AHCTF1: variants seen among roughly 807,000 people sequenced by gnomAD.
The protein encoded by AHCTF1 is AT-hook containing transcription factor 1.
A neutral mutation model predicts 248.4 loss-of-function variants in AHCTF1; 24 were observed. That is an observed-to-expected ratio of 0.10 (90% CI 0.07 to 0.14). The LOEUF (loss-of-function observed/expected upper bound fraction) is 0.14, where lower values mean the gene tolerates loss of function less well. AHCTF1 is among the 10% of genes least tolerant of loss of function. AHCTF1 has a pLI of 1.00. For synonymous variants in AHCTF1, 786 were observed against 929.8 expected, an observed-to-expected ratio of 0.85 and a Z score of 2.81; for missense variants, 2,206 against 2,636.2, an observed-to-expected ratio of 0.84 and a Z score of 3.57.
intron 1 of AHCTF1, among the ~76,000 whole-genome samples, chr1:246,924,954 T>A (rs1666828981): frequency 1.3e-5 from 2 of 152,196 alleles, no homozygotes; most frequent in Non-Finnish European, 2.9e-5. Flanking sequence ...GTTGCTCTTA[T>A]ATACACAAAT....
At chr1:246,928,333 C>A (rs979657136) in intron 1 of AHCTF1, among the ~76,000 whole-genome samples, 1 of 150,942 alleles carries the variant, frequency 6.6e-6, no homozygotes, top group African/African-American at 2.4e-5. Context: ...ATTACTTCTG[C>A]TTGCCTGTCT....
In AHCTF1 at chr1:246,861,094, T is replaced by G. The variant is rs983602010; in HGVS notation, c.3937A>C (p.Thr1313Pro). 7.4e-6 allele frequency: 12 copies of G among 1,614,084 alleles called. No individual in the cohort carries two copies. Among genetic ancestry groups the G allele is most frequent in the Non-Finnish European group, 9.3e-6 (11 of 1,180,018 alleles). ...VSKGNSSVSI[T>P]SDETTLEYQD... ...TACTCTAAGGTAGTCTCATCGGATG[T>G]GATTGAAACACTGCTGTTTCCTTTG... is the stretch of plus-strand genomic sequence containing the variant. Residue 1313 changes from threonine to proline, a missense_variant, in exon 29 of 36, where the codon ACA (threonine) becomes CCA (proline). Around this residue, in one of 6 missense-constraint regions of AHCTF1, gnomAD observed 955 missense variants for 1,055.6 expected, o/e 0.90. Transcript: ENST00000648844.
intron 13 of AHCTF1, 90 bp from the exon 14 acceptor site, chr1:246,894,838 C>T: frequency 9.1e-7 from 1 of 1,100,300 alleles, no homozygotes; most frequent in Non-Finnish European, 1.4e-6. Flanking sequence ...GCAGACAGCA[C>T]CCTAACCGAG....
chr1:246,901,238 G>A (rs375513578), intron 8 of AHCTF1, among the ~76,000 whole-genome samples: 30 of 152,214 alleles, frequency 2.0e-4, no homozygotes, highest in African/African-American at 6.5e-4. Context: ...CTACTCAGGA[G>A]GCTGAGGTGG....
At chr1:246,845,113 GA>G (rs1479141702) in intron 33 of AHCTF1, among the ~76,000 whole-genome samples, 1 of 152,202 alleles carries the variant, frequency 6.6e-6, no homozygotes, top group African/African-American at 2.4e-5. Flanking sequence ...ACAAACCCTT[GA>G]AATAAAATCA....
intron 5 of AHCTF1, among the ~76,000 whole-genome samples, chr1:246,906,043 C>T (rs1394482340): frequency 1.3e-5 from 2 of 152,218 alleles, no homozygotes; most frequent in African/African-American, 4.8e-5. Flanking sequence ...TACACTCCTA[C>T]ATACTGCTCA....
chr1:246,863,830 C>T (rs1029286396), intron 27 of AHCTF1, 94 bp downstream of exon 27: 16 of 1,241,838 alleles, frequency 1.3e-5, no homozygotes, highest in African/African-American at 7.6e-5. Flanking sequence ...ACTCCCCAAG[C>T]GTATCAGTTA....
At chr1:246,894,781 GATT>G in intron 13 of AHCTF1, 33 bp from the exon 14 acceptor site, 1 of 1,561,618 alleles carries the variant, frequency 6.4e-7, no homozygotes, top group Non-Finnish European at 8.8e-7. Context: ...AAAAAATAAA[GATT>G]ATTAATTACA....
chr1:246,887,416 AT>A (rs996455611), intron 19 of AHCTF1, 59 bp from the exon 20 acceptor site: 7 of 1,489,134 alleles, frequency 4.7e-6, no homozygotes, highest in East Asian at 4.6e-5. Flanking sequence ...CTACGTATAT[AT>A]TTACAATAGG....
chr1:246,915,589 T>C (rs1175100860), intron 3 of AHCTF1, among the ~76,000 whole-genome samples: 1 of 152,196 alleles, frequency 6.6e-6, no homozygotes, highest in African/African-American at 2.4e-5. Flanking sequence ...TTAAATTTAT[T>C]AAAGTATTCA....
chr1:246,851,543 A>G (rs1660720942), intron 32 of AHCTF1, 101 bp from the exon 33 acceptor site: 2 of 1,028,736 alleles, frequency 1.9e-6, no homozygotes, highest in Admixed American at 5.8e-5. Flanking sequence ...TGCCTTTTAA[A>G]ACATAAATTA....
In AHCTF1 at chr1:246,860,989, T is replaced by A. The variant is rs1343346657; in HGVS notation, c.4042A>T (p.Thr1348Ser). The stretch of plus-strand genomic sequence containing the variant: ...TCAGTTTGTTCAGTTACATTAGTAG[T>A]TAGTGCAGTGGAAGAGCTTTTGGGC... Reference protein sequence around the residue: ...SKPKSSSTALTTNVTEQTEKD... With the variant: ...SKPKSSSTALSTNVTEQTEKD... The change falls in exon 29 of 36, where the codon ACT (threonine) becomes TCT (serine). Residue 1348 changes from threonine to serine, a missense_variant. Thr to Ser is a moderately conservative substitution (Grantham distance 58). Transcript: ENST00000648844. The A allele has an allele frequency of 6.2e-7, 1 of 1,613,866 alleles. No homozygotes were observed. The highest frequency in any genetic ancestry group is 1.3e-5 in the African/African-American group (1 of 74,922).
chr1:246,873,406 ACTAAATAT>A (rs1217355396), intron 24 of AHCTF1, among the ~76,000 whole-genome samples: 3 of 152,150 alleles, frequency 2.0e-5, no homozygotes, highest in Non-Finnish European at 4.4e-5. Flanking sequence ...CCGTCCCAAT[ACTAAATAT>A]ACTAGAGACA....
intron 1 of AHCTF1, 43 bp from the exon 2 acceptor site, chr1:246,918,420 T>C (rs774807322): frequency 1.3e-6 from 2 of 1,557,294 alleles, no homozygotes; most frequent in East Asian, 2.3e-5. Flanking sequence ...GACACATTTG[T>C]AGACAATATA....
intron 1 of AHCTF1, among the ~76,000 whole-genome samples, chr1:246,922,995 A>AG (rs1666675317): frequency 6.7e-6 from 1 of 150,230 alleles, no homozygotes; most frequent in East Asian, 2.0e-4. Context: ...AAAAAAAAAA[A>AG]AAAAAAAAAG....
At chr1:246,883,084 A>G (rs1663569000) in intron 21 of AHCTF1, among the ~76,000 whole-genome samples, 1 of 152,234 alleles carries the variant, frequency 6.6e-6, no homozygotes, top group Admixed American at 6.5e-5. Flanking sequence ...ACTAACATAA[A>G]TTAATAGTTC....
rs1219829869 is a variant in AHCTF1 at position 246,900,083 on chromosome 1, G to A, written c.1414C>T (p.Pro472Ser). 1.9e-6 allele frequency: 3 copies of A among 1,605,072 alleles called. No individual in the cohort carries two copies. The highest frequency in any genetic ancestry group is 1.7e-5 in the Admixed American group (1 of 57,838). ...TACATACCAAAATTATAAGTGCTTGGATTAAAAAACTGCTCGGGAGGTGGA... is the reference window on the plus strand; with the variant it reads ...TACATACCAAAATTATAAGTGCTTGAATTAAAAAACTGCTCGGGAGGTGGA... ...SYPPPEQFFN[P>S]STYNFDATCL... The change falls in exon 10 of 36, where the codon CCA (proline) becomes TCA (serine). Residue 472 changes from proline to serine, a missense_variant. Coordinates refer to ENST00000648844, the MANE Select transcript of AHCTF1 (RefSeq NM_001323342.2).
intron 26 of AHCTF1, among the ~76,000 whole-genome samples, chr1:246,865,747 T>C (rs766971054): frequency 8.6e-6 from 1 of 116,434 alleles, no homozygotes; most frequent in South Asian, 2.5e-4. Flanking sequence ...CAAGACTTAA[T>C]AGTTTAAAGG....
rs1572379304 is a variant in AHCTF1 at position 246,861,848 on chromosome 1, AC to A, written c.3735+110del. The stretch of plus-strand genomic sequence containing the variant: ...TTCATTACTAGCTACAAGATTATAT[AC>A]AAAAATCTATAGTGGTATTTAAAAA... On this transcript the variant is annotated intron_variant, in intron 28 of 35. Transcript: ENST00000648844. The A allele has an allele frequency of 7.4e-5, 67 of 901,504 alleles. No individual in the cohort carries two copies. In the East Asian group the frequency reaches 1.6e-3, roughly 22 times the overall value. The allele number at this position is 901,504 out of a possible 1,614,324, so 55.8% of individuals were successfully genotyped here. A position where few individuals can be genotyped will look rare whatever the true frequency, so the allele number is the denominator to read the frequency against.
Sources: allele counts gnomAD v4.1 joint callset (sites outside exome capture counted in the v4.1 genomes callset), GRCh38; gene constraint gnomAD v4.1.1; regional missense constraint gnomAD v4.1.1; transcripts MANE v1.5; gene names NCBI Gene and HGNC (gene_info 2026-07-23, HGNC 2026-07-21).